The following PARPBP variants were observed in gnomAD, a reference collection of about 807,000 sequenced individuals.
The protein encoded by PARPBP is PARP1 binding protein.
In PARPBP, 52 loss-of-function variants were observed where a neutral mutation model predicts 50.0. That is an observed-to-expected ratio of 1.04 (90% CI 0.83 to 1.31). The LOEUF is 1.31. PARPBP is among the 50% of genes most tolerant of loss of function. The pLI is 0.00. For missense variants in PARPBP, 697 were observed against 672.0 expected (o/e 1.04, Z -0.41); for synonymous variants, 244 against 232.1 (o/e 1.05, Z -0.47).
intron 4 of PARPBP, among the ~76,000 whole-genome samples, chr12:102,158,481 A>G (rs1211988213): frequency 6.6e-6 from 1 of 152,232 alleles, no homozygotes; most frequent in Admixed American, 6.5e-5. Flanking sequence ...TACATGCTCT[A>G]GTAGACTTTT....
In PARPBP at chr12:102,197,467, G is replaced by C; in HGVS notation, c.*1176G>C. 1 of 1,486,592 alleles carries C rather than the reference G, an allele frequency of 6.7e-7. No individual in the cohort carries two copies. The highest frequency in any genetic ancestry group is 9.1e-7 in the Non-Finnish European group (1 of 1,100,060). The allele number at this position is 1,486,592 out of a possible 1,614,324, so 92.1% of individuals were successfully genotyped here. A position where few individuals can be genotyped will look rare whatever the true frequency, so the allele number is the denominator to read the frequency against. ...ATCAGTTTTACTTTTCAGAGGATTT[G>C]TAAGAATCATTTAAATTTTCATTGA... is the stretch of plus-strand genomic sequence containing the variant. On this transcript the variant is annotated 3_prime_UTR_variant, in exon 11 of 11. Coordinates refer to ENST00000327680, the MANE Select transcript of PARPBP (RefSeq NM_017915.5).
intron 2 of PARPBP, among the ~76,000 whole-genome samples, chr12:102,125,045 A>G (rs1472353733): frequency 6.6e-6 from 1 of 152,218 alleles, no homozygotes; most frequent in Non-Finnish European, 1.5e-5. Flanking sequence ...AATAGTTGGC[A>G]GTTTTGCATA....
chr12:102,184,263 T>G (rs1007693675), intron 9 of PARPBP, among the ~76,000 whole-genome samples: 10 of 152,102 alleles, frequency 6.6e-5, no homozygotes, highest in Non-Finnish European at 1.5e-4. Flanking sequence ...AAGCATGCAT[T>G]GCATAATAAT....
intron 6 of PARPBP, among the ~76,000 whole-genome samples, chr12:102,169,551 C>T (rs1346892432): frequency 6.6e-6 from 1 of 152,164 alleles, no homozygotes; most frequent in African/African-American, 2.4e-5. Context: ...TCTTACTTCA[C>T]ATTTTTTATG....
rs944044684 is a variant in PARPBP, at chr12:102,148,104, C to G, written c.154-126C>G. The G allele has an allele frequency of 5.9e-6, 3 of 508,130 alleles. No individual in the cohort carries two copies. In the African/African-American group the frequency reaches 5.9e-5, roughly 10 times the overall value. 31.5% of individuals were successfully genotyped at this position (508,130 alleles called of 1,614,324 possible). ...CATAGTTCAACTTGGGTGTTCTCTT[C>G]AAACCCACAAAAATTGAATGTAGAC... On this transcript the variant is annotated intron_variant, in intron 2 of 10. Coordinates refer to ENST00000327680, the MANE Select transcript of PARPBP (RefSeq NM_017915.5).
At chr12:102,124,395 A>C (rs1217527918) in intron 2 of PARPBP, among the ~76,000 whole-genome samples, 1 of 152,140 alleles carries the variant, frequency 6.6e-6, no homozygotes, top group East Asian at 1.9e-4. Flanking sequence ...TGGCTCTTGT[A>C]CCCCAATCCT....
intron 2 of PARPBP, among the ~76,000 whole-genome samples, chr12:102,137,280 G>A (rs1330918196): frequency 6.6e-6 from 1 of 152,104 alleles, no homozygotes; most frequent in Non-Finnish European, 1.5e-5. Flanking sequence ...GAGAACATGA[G>A]TCTTAAAGTA....
intron 6 of PARPBP, among the ~76,000 whole-genome samples, chr12:102,168,606 A>C (rs1267712092): frequency 2.0e-5 from 3 of 152,216 alleles, no homozygotes; most frequent in African/African-American, 7.2e-5. Context: ...AATAGATATT[A>C]ATAGAAGGTG....
chr12:102,124,607 A>G (rs991968907), intron 2 of PARPBP, among the ~76,000 whole-genome samples: 3 of 152,182 alleles, frequency 2.0e-5, no homozygotes, highest in Non-Finnish European at 2.9e-5. Context: ...TAGATTTTAG[A>G]TAAAGGAAGA....
chr12:102,181,909 T>C (rs1889857609), intron 8 of PARPBP, among the ~76,000 whole-genome samples: 1 of 152,146 alleles, frequency 6.6e-6, no homozygotes, highest in Non-Finnish European at 1.5e-5. Context: ...TTCACGTGGC[T>C]GGGAAGACTG....
At chr12:102,160,999 A>G (rs190091556) in intron 4 of PARPBP, among the ~76,000 whole-genome samples, 23 of 152,060 alleles carry the variant, frequency 1.5e-4, no homozygotes, top group Non-Finnish European at 2.8e-4. Context: ...ACATTATTTT[A>G]TAAAATTTTA....
intron 3 of PARPBP, among the ~76,000 whole-genome samples, chr12:102,153,515 C>T (rs1886488217): frequency 6.6e-6 from 1 of 152,146 alleles, no homozygotes; most frequent in Admixed American, 6.5e-5. Context: ...TAATGTTTTG[C>T]ATCTTTCGCA....
intron 3 of PARPBP, among the ~76,000 whole-genome samples, chr12:102,150,852 A>G (rs1886093731): frequency 6.6e-6 from 1 of 152,208 alleles, no homozygotes; most frequent in African/African-American, 2.4e-5. Flanking sequence ...CAAGCCAAGA[A>G]GTAGCTGAAT....
intron 6 of PARPBP, among the ~76,000 whole-genome samples, chr12:102,173,878 T>A (rs1888998326): frequency 6.8e-6 from 1 of 147,694 alleles, no homozygotes; most frequent in African/African-American, 2.5e-5. Flanking sequence ...TACTGGGAGA[T>A]TTTTGTCTCT....
chr12:102,123,054 T>G (rs773716912), intron 1 of PARPBP, among the ~76,000 whole-genome samples: 97 of 152,284 alleles, frequency 6.4e-4, no homozygotes, highest in Non-Finnish European at 9.4e-4. Flanking sequence ...ACACAATTCC[T>G]CCTGTTGTAA....
chr12:102,130,354 A>G (rs1407986159), intron 2 of PARPBP, among the ~76,000 whole-genome samples: 1 of 152,242 alleles, frequency 6.6e-6, no homozygotes, highest in African/African-American at 2.4e-5. Flanking sequence ...TGAAGATGCC[A>G]AAAGCAATTG....
intron 2 of PARPBP, 86 bp from the exon 3 acceptor site, chr12:102,148,144 A>G: frequency 1.8e-6 from 1 of 557,234 alleles, no homozygotes; most frequent in Non-Finnish European, 3.0e-6. Context: ...CCAAAATTTA[A>G]TTTGTATTTC....
intron 2 of PARPBP, among the ~76,000 whole-genome samples, chr12:102,145,756 A>T (rs1167400679): frequency 6.6e-6 from 1 of 152,226 alleles, no homozygotes; most frequent in Non-Finnish European, 1.5e-5. Flanking sequence ...TTGCCTGATT[A>T]CTAACATCTG....
chr12:102,192,666 G>T (rs1050611196), intron 9 of PARPBP, among the ~76,000 whole-genome samples: 4 of 151,692 alleles, frequency 2.6e-5, no homozygotes, highest in African/African-American at 9.7e-5. Context: ...TCTACTTATG[G>T]TTCTAGCCTT....
Sources: allele counts gnomAD v4.1 joint callset (sites outside exome capture counted in the v4.1 genomes callset), GRCh38; gene constraint gnomAD v4.1.1; transcripts MANE v1.5; gene names NCBI Gene and HGNC (gene_info 2026-07-23, HGNC 2026-07-21).